Variants in PRG4 observed in about 807,000 individuals in gnomAD.
PRG4 encodes proteoglycan 4, also known as articular superficial zone protein.
Under a neutral mutation model 91.2 loss-of-function variants are expected in PRG4, and 61 were observed. The ratio of observed to expected loss-of-function variants is 0.67; its 90% CI spans 0.54 to 0.83. PRG4 has a LOEUF of 0.83. Ranked by LOEUF, PRG4 falls within the 40% of genes least tolerant of loss-of-function variation. The probability of loss-of-function intolerance (pLI) is 0.00; values close to 1 mark genes in which losing one functional copy is unlikely to be tolerated. For synonymous variants in PRG4, 576 were observed against 614.2 expected, an observed-to-expected ratio of 0.94 and a Z score of 0.92; for missense variants, 1,564 against 1,714.2, an observed-to-expected ratio of 0.91 and a Z score of 1.55.
chr1:186,297,663 T>C (rs987267287), intron 2 of PRG4, among the ~76,000 whole-genome samples: 4 of 152,232 alleles, frequency 2.6e-5, no homozygotes, highest in African/African-American at 9.6e-5. Context: ...ATAGTAACAA[T>C]GCCAAGCTTT....
Position 186,308,291 on chromosome 1 carries a change from T to A in PRG4, c.2572T>A (p.Ser858Thr). ...ETPPPTTSEV[S>T]TPTTTKEPTT... Reference sequence around the variant, plus strand: ...ACCTCCTCCAACCACTTCAGAGGTCTCTACTCCAACTACCACCAAGGAGCC... The same window carrying A: ...ACCTCCTCCAACCACTTCAGAGGTCACTACTCCAACTACCACCAAGGAGCC... The change falls in exon 7 of 13, where the codon TCT becomes ACT. Residue 858 changes from serine to threonine, a missense_variant. Physicochemically the swap from Ser to Thr is moderately conservative, Grantham distance 58. Coordinates refer to ENST00000445192, the MANE Select transcript of PRG4 (RefSeq NM_005807.6). The A allele has an allele frequency of 6.2e-7, 1 of 1,613,682 alleles. No individual in the cohort carries two copies. Among genetic ancestry groups the A allele is most frequent in the Non-Finnish European group, 8.5e-7 (1 of 1,179,938 alleles).
chr1:186,311,505 A>G lies in PRG4; in HGVS notation c.3702A>G (p.Lys1234=), dbSNP rs140871526. Reference sequence around the variant, plus strand: ...CAGGGTACCCCAAACCAATTTTCAAAGGATTTGGAGGACTAACTGGACAAA... The same window carrying G: ...CAGGGTACCCCAAACCAATTTTCAAGGGATTTGGAGGACTAACTGGACAAA... ...KDAGYPKPIF[K]GFGGLTGQIV... Residue 1234 remains lysine (K), a synonymous_variant, in exon 10 of 13, where the codon AAA becomes AAG. Coordinates refer to ENST00000445192, the MANE Select transcript of PRG4 (RefSeq NM_005807.6). 9.6e-4 allele frequency: 1,557 copies of G among 1,613,748 alleles called. 7 individuals carry two copies. Among genetic ancestry groups the G allele is most frequent in the Middle Eastern group, 8.7e-3 (53 of 6,058 alleles).
At position 186,308,057 on chromosome 1, in the gene PRG4, G is replaced by C. The variant is rs774149507; in HGVS notation, c.2338G>C (p.Gly780Arg). ...PKEPAPTTPK[G>R]TAPTTLKEPA... is the part of the protein sequence containing the mutation. ...GGAGCCTGCTCCAACTACCCCTAAGGGGACTGCTCCAACTACCCTCAAGGA... is the reference window on the plus strand; with the variant it reads ...GGAGCCTGCTCCAACTACCCCTAAGCGGACTGCTCCAACTACCCTCAAGGA... The change falls in exon 7 of 13, where the codon GGG (glycine) becomes CGG (arginine). Residue 780 changes from glycine to arginine, a missense_variant. This residue lies in a region of PRG4 where 1,079 missense variants were observed against 1,162.2 expected (regional missense o/e 0.93). Coordinates refer to ENST00000445192, the MANE Select transcript of PRG4 (RefSeq NM_005807.6). 1 of 1,602,700 alleles carries C rather than the reference G, an allele frequency of 6.2e-7. No homozygotes were observed. Among genetic ancestry groups the C allele is most frequent in the Admixed American group, 1.7e-5 (1 of 58,932 alleles).
intron 12 of PRG4, chr1:186,313,188 T>TA: frequency 2.3e-6 from 1 of 439,546 alleles, no homozygotes. Flanking sequence ...ATTTAACAGA[T>TA]ACCTTGTTTG....
chr1:186,312,511 C>A, intron 11 of PRG4, 139 bp downstream of exon 11: 1 of 919,924 alleles, frequency 1.1e-6, no homozygotes, highest in Non-Finnish European at 1.6e-6. Flanking sequence ...AACTCATCCA[C>A]TTGCCTTAGT....
chr1:186,302,712 C>T (rs1656300811), intron 4 of PRG4, among the ~76,000 whole-genome samples: 1 of 152,196 alleles, frequency 6.6e-6, no homozygotes, highest in African/African-American at 2.4e-5. Flanking sequence ...CTCACCCTTC[C>T]TGCAGATTTT....
At chr1:186,303,225 G>GT (rs1656330449) in intron 4 of PRG4, among the ~76,000 whole-genome samples, 1 of 152,028 alleles carries the variant, frequency 6.6e-6, no homozygotes, top group East Asian at 1.9e-4. Flanking sequence ...AACCATTTTG[G>GT]CCAAGAACAT....
intron 11 of PRG4, 92 bp downstream of exon 11, chr1:186,312,464 A>C: frequency 8.2e-7 from 1 of 1,216,984 alleles, no homozygotes; most frequent in Non-Finnish European, 1.2e-6. Flanking sequence ...ATGGATACTG[A>C]TCAAACAGCC....
chr1:186,312,123 A>G (rs1657293877), intron 10 of PRG4, 52 bp from the exon 11 acceptor site: 1 of 1,530,318 alleles, frequency 6.5e-7, no homozygotes, highest in African/African-American at 1.4e-5. Context: ...ACCTTTTCTG[A>G]GGGTATTAAA....
chr1:186,296,696 T>G (rs1655879644), intron 1 of PRG4, 150 bp from the exon 2 acceptor site: 1 of 609,758 alleles, frequency 1.6e-6, no homozygotes, highest in Non-Finnish European at 2.9e-6. Flanking sequence ...ATATTTTCTA[T>G]AAAATTAAAG....
intron 2 of PRG4, 70 bp from the exon 3 acceptor site, chr1:186,300,021 C>T (rs1571550341): frequency 6.4e-7 from 1 of 1,570,434 alleles, no homozygotes. Flanking sequence ...TGGCTTTGTC[C>T]CCCTCGTTAG....
chr1:186,308,722 TGAA>T lies in PRG4; in HGVS notation c.3007_3009del (p.Glu1003del), dbSNP rs1262059783. The T allele has an allele frequency of 6.2e-7, 1 of 1,612,574 alleles. No individual in the cohort carries two copies. The highest frequency in any genetic ancestry group is 8.5e-7 in the Non-Finnish European group (1 of 1,179,544). ...CTACCACTGAGATTATGAACAAACC[TGAA>T]GAAACAGCTAAACCAAAAGACAGAG... On this transcript the variant is annotated inframe_deletion, in exon 7 of 13. Coordinates refer to ENST00000445192, the MANE Select transcript of PRG4 (RefSeq NM_005807.6).
At chr1:186,302,167 A>G (rs556555013) in intron 4 of PRG4, among the ~76,000 whole-genome samples, 21 of 152,308 alleles carry the variant, frequency 1.4e-4, no homozygotes, top group African/African-American at 5.1e-4. Context: ...CTAAACCAGT[A>G]AATTTATGAA....
At chr1:186,303,313 AC>A (rs1656338031) in intron 4 of PRG4, among the ~76,000 whole-genome samples, 1 of 152,110 alleles carries the variant, frequency 6.6e-6, no homozygotes, top group Non-Finnish European at 1.5e-5. Context: ...AACAAGAGGG[AC>A]AGTGGCCAGT....
intron 2 of PRG4, among the ~76,000 whole-genome samples, chr1:186,299,280 C>T (rs992037823): frequency 1.3e-5 from 2 of 152,220 alleles, no homozygotes; most frequent in African/African-American, 4.8e-5. Context: ...TAAGGGTTCT[C>T]ACTTCAGCAG....
chr1:186,306,180 A>G, intron 6 of PRG4, 138 bp from the exon 7 acceptor site: 1 of 694,844 alleles, frequency 1.4e-6, no homozygotes, highest in South Asian at 2.2e-5. Flanking sequence ...GCCATTTTAC[A>G]ACAAATTAAA....
rs754091071 is a variant in PRG4 at position 186,308,903 on chromosome 1, T to C, written c.3184T>C (p.Leu1062=). Residue 1062 remains leucine, a synonymous_variant, in exon 7 of 13, where the codon TTG becomes CTG. Transcript: ENST00000445192. ...CAAGATGACATCAACAATGCCAGAA[T>C]TGAACCCTACCTCAAGAATAGCAGA... ...PRKMTSTMPE[L]NPTSRIAEAM... The C allele has an allele frequency of 1.5e-5, 24 of 1,613,276 alleles. No homozygotes were observed. Among genetic ancestry groups the C allele is most frequent in the Non-Finnish European group, 1.9e-5 (23 of 1,179,812 alleles).
intron 3 of PRG4, among the ~76,000 whole-genome samples, chr1:186,301,031 A>C (rs1656181582): frequency 6.6e-6 from 1 of 152,170 alleles, no homozygotes; most frequent in Non-Finnish European, 1.5e-5. Context: ...AGTCCTCCCT[A>C]ACATAGTCCA....
Position 186,314,468 on chromosome 1 carries a change from GA to G in PRG4, c.*692del. The G allele has an allele frequency of 4.2e-6, 2 of 481,506 alleles. No homozygotes were observed. The highest frequency in any genetic ancestry group is 7.3e-6 in the Non-Finnish European group (2 of 274,078). The allele number at this position is 481,506 out of a possible 1,614,324, so 29.8% of individuals were successfully genotyped here. A position where few individuals can be genotyped will look rare whatever the true frequency, so the allele number is the denominator to read the frequency against. ...CTAAGGTATACAAATCTGTCTACAT[GA>G]AGTTTACAGATTGGTAAATATCACC... On this transcript the variant is annotated 3_prime_UTR_variant, in exon 13 of 13. Transcript: ENST00000445192.
Sources: gnomAD v4.1 joint callset for allele counts (sites outside exome capture counted in the v4.1 genomes callset) on GRCh38, gnomAD v4.1.1 for gene constraint, gnomAD v4.1.1 regional missense constraint, MANE v1.5 for transcripts, NCBI Gene and HGNC (gene_info 2026-07-23, HGNC 2026-07-21) for gene names.